SH3RF3: variants seen among roughly 807,000 people sequenced by gnomAD.
SH3RF3 encodes SH3 domain containing ring finger 3, also known as E3 ubiquitin-protein ligase SH3RF3.
SH3RF3 carries 29 observed loss-of-function variants against 66.3 expected under a neutral mutation model. That is an observed-to-expected ratio of 0.44 (90% CI 0.33 to 0.60). SH3RF3 has a LOEUF of 0.60. Ranked by LOEUF, SH3RF3 falls within the 20% of genes least tolerant of loss-of-function variation. The probability of loss-of-function intolerance (pLI) is 0.04; values close to 1 mark genes in which losing one functional copy is unlikely to be tolerated. For synonymous variants in SH3RF3, 583 were observed against 532.0 expected, an observed-to-expected ratio of 1.10 and a Z score of -1.32; for missense variants, 1,194 against 1,190.9, an observed-to-expected ratio of 1.00 and a Z score of -0.04.
intron 1 of SH3RF3, among the ~76,000 whole-genome samples, chr2:109,212,065 T>G (rs1017379109): frequency 5.9e-5 from 9 of 152,330 alleles, no homozygotes; most frequent in South Asian, 2.1e-4. Context: ...TCCAGGGAGA[T>G]AGCGAAACTT....
At chr2:109,486,009 G>A (rs1470737512) in intron 8 of SH3RF3, among the ~76,000 whole-genome samples, 2 of 152,232 alleles carry the variant, frequency 1.3e-5, no homozygotes, top group African/African-American at 2.4e-5. Context: ...ATCAGTGTGT[G>A]CGCTCCAGCC....
At chr2:109,369,630 G>A (rs796696007) in intron 2 of SH3RF3, among the ~76,000 whole-genome samples, 110 of 152,270 alleles carry the variant, frequency 7.2e-4, no homozygotes, top group African/African-American at 2.5e-3. Context: ...TGGCCCCCAC[G>A]CTCTACTTGT....
Position 109,237,958 on chromosome 2 carries a change from C to T in SH3RF3, c.573+107845C>T, listed in dbSNP as rs528376088. On this transcript the variant is annotated intron_variant, in intron 1 of 9. Coordinates refer to ENST00000309415, the MANE Select transcript of SH3RF3 (RefSeq NM_001099289.3). ...CAAATTAAAATGGTTTTTATGACCA[C>T]GCAATGGCTCATGCTTGTAATCCTA... Among the ~76,000 whole-genome samples the T allele has an allele frequency of 1.7e-4, 26 of 152,280 alleles. 1 individual carries two copies. The South Asian group carries it at 5.2e-3, about 30-fold the overall frequency.
chr2:109,312,463 G>T (rs1256794834), intron 1 of SH3RF3, among the ~76,000 whole-genome samples: 2 of 152,074 alleles, frequency 1.3e-5, no homozygotes, highest in Admixed American at 6.6e-5. Flanking sequence ...TCTAGTTCCA[G>T]AAGTTTCCTT....
chr2:109,298,698 C>A (rs1276363543), intron 1 of SH3RF3, among the ~76,000 whole-genome samples: 3 of 152,120 alleles, frequency 2.0e-5, no homozygotes, highest in Non-Finnish European at 2.9e-5. Flanking sequence ...GGGTCCAGGT[C>A]CGTTTCCCCA....
chr2:109,363,545 C>T (rs1269041769), intron 2 of SH3RF3, among the ~76,000 whole-genome samples: 3 of 152,058 alleles, frequency 2.0e-5, no homozygotes, highest in Non-Finnish European at 4.4e-5. Flanking sequence ...ACTGCCATTC[C>T]TTCTCTGGTG....
chr2:109,283,114 T>A (rs1412625509), intron 1 of SH3RF3, among the ~76,000 whole-genome samples: 1 of 152,094 alleles, frequency 6.6e-6, no homozygotes, highest in East Asian at 1.9e-4. Context: ...TGGCAGATGA[T>A]CAATCCTGAA....
At chr2:109,174,513 C>CG (rs1677873486) in intron 1 of SH3RF3, among the ~76,000 whole-genome samples, 1 of 152,196 alleles carries the variant, frequency 6.6e-6, no homozygotes, top group Non-Finnish European at 1.5e-5. Context: ...GCCAGGGCAA[C>CG]GGGCAGTCCT....
At chr2:109,245,016 G>A (rs980378598) in intron 1 of SH3RF3, among the ~76,000 whole-genome samples, 4 of 152,154 alleles carry the variant, frequency 2.6e-5, no homozygotes, top group Non-Finnish European at 5.9e-5. Flanking sequence ...TTTGTTGTTG[G>A]ATGGCGTCCC....
At chr2:109,353,864 C>T (rs1457098264) in intron 2 of SH3RF3, among the ~76,000 whole-genome samples, 1 of 152,094 alleles carries the variant, frequency 6.6e-6, no homozygotes, top group East Asian at 1.9e-4. Context: ...CACCTGTGGC[C>T]GCAGGTTCCC....
rs561124803 is a variant in SH3RF3 at position 109,404,375 on chromosome 2, G to T, written c.1299+5432G>T. On this transcript the variant is annotated intron_variant, in intron 4 of 9. Transcript: ENST00000309415. ...GCCTGGCGGGGAGTGGGGTGCCGATGCAGAACAGGCCAGCGCCTGGCCTCT... is the reference window on the plus strand; with the variant it reads ...GCCTGGCGGGGAGTGGGGTGCCGATTCAGAACAGGCCAGCGCCTGGCCTCT... Among the ~76,000 whole-genome samples the T allele has an allele frequency of 4.8e-4, 73 of 152,360 alleles. 2 individuals are homozygous for T. The South Asian group carries it at 0.015, about 30-fold the overall frequency.
At chr2:109,430,619 G>A (rs1403276371) in intron 5 of SH3RF3, among the ~76,000 whole-genome samples, 1 of 152,006 alleles carries the variant, frequency 6.6e-6, no homozygotes, top group African/African-American at 2.4e-5. Flanking sequence ...ACACAGGTAC[G>A]TGTTGGCTGC....
At chr2:109,248,888 TCCTG>T (rs1402813736) in intron 1 of SH3RF3, among the ~76,000 whole-genome samples, 2 of 1,146 alleles carry the variant, frequency 1.7e-3, no homozygotes, top group Non-Finnish European at 0.019. Context: ...TCCTGTCCTT[TCCTG>T]TCCTGTCCTG....
chr2:109,150,452 A>G (rs1183791152), intron 1 of SH3RF3, among the ~76,000 whole-genome samples: 1 of 152,208 alleles, frequency 6.6e-6, no homozygotes, highest in African/African-American at 2.4e-5. Context: ...TTCACTTAAA[A>G]AACAATTTCT....
intron 8 of SH3RF3, among the ~76,000 whole-genome samples, chr2:109,489,926 CAG>C (rs1558642982): frequency 6.6e-6 from 1 of 152,134 alleles, no homozygotes; most frequent in African/African-American, 2.4e-5. Context: ...TTAGTAGAGA[CAG>C]GGTTTCACCA....
At chr2:109,397,897 C>T (rs893600755) in intron 3 of SH3RF3, among the ~76,000 whole-genome samples, 5 of 152,244 alleles carry the variant, frequency 3.3e-5, no homozygotes, top group South Asian at 2.1e-4. Flanking sequence ...CTGCGCACAA[C>T]GCCTGCTATC....
chr2:109,413,916 G>A lies in SH3RF3; in HGVS notation c.1300-5623G>A, dbSNP rs564949102. Among the ~76,000 whole-genome samples the A allele has an allele frequency of 1.6e-4, 25 of 151,576 alleles. No individual in the cohort carries two copies. The South Asian group carries it at 4.8e-3, about 29-fold the overall frequency. The stretch of plus-strand genomic sequence containing the variant: ...GGTGTAACTCCCCACCAGTGGTCCA[G>A]CAGGGGCAGTCACCTGCCCCAGGAA... On this transcript the variant is annotated intron_variant, in intron 4 of 9. Transcript: ENST00000309415.
intron 1 of SH3RF3, among the ~76,000 whole-genome samples, chr2:109,188,459 G>A (rs919509): frequency 0.86 from 131,139 of 152,236 alleles, 56,631 homozygotes; most frequent in African/African-American, 0.92. Flanking sequence ...TGAAGCATGC[G>A]CATTGTTTCC....
intron 1 of SH3RF3, among the ~76,000 whole-genome samples, chr2:109,292,753 A>G (rs1163045786): frequency 6.6e-6 from 1 of 152,022 alleles, no homozygotes. Flanking sequence ...TTTTTTTGAG[A>G]TGGAGTTTCA....
Sources: allele counts gnomAD v4.1 joint callset (sites outside exome capture counted in the v4.1 genomes callset), GRCh38; gene constraint gnomAD v4.1.1; transcripts MANE v1.5; gene names NCBI Gene and HGNC (gene_info 2026-07-23, HGNC 2026-07-21).